GRID2: variants seen among roughly 807,000 people sequenced by gnomAD.
GRID2 encodes glutamate receptor ionotropic, delta-2.
A neutral mutation model predicts 114.8 loss-of-function variants in GRID2; 33 were observed. That is an observed-to-expected ratio of 0.29 (90% CI 0.22 to 0.38). The LOEUF (loss-of-function observed/expected upper bound fraction) is 0.38. Ranked by LOEUF, GRID2 falls within the 10% of genes least tolerant of loss-of-function variation. The probability of loss-of-function intolerance (pLI) is 1.00; values close to 1 mark genes in which losing one functional copy is unlikely to be tolerated. For missense variants in GRID2, 1,184 were observed against 1,257.7 expected (o/e 0.94, Z 0.89); for synonymous variants, 505 against 449.9 (o/e 1.12, Z -1.55).
At chr4:92,455,212 A>G (rs145839306) in intron 1 of GRID2, among the ~76,000 whole-genome samples, 1 of 152,338 alleles carries the variant, frequency 6.6e-6, no homozygotes, top group East Asian at 1.9e-4. Flanking sequence ...CATTTGGAGT[A>G]ATGTTTTAAT....
chr4:92,737,915 A>G (rs1736680761), intron 2 of GRID2, among the ~76,000 whole-genome samples: 1 of 152,184 alleles, frequency 6.6e-6, no homozygotes, highest in Admixed American at 6.6e-5. Context: ...CCTCCAAAAT[A>G]CCAGCTACAA....
At chr4:93,075,318 C>T (rs1454903017) in intron 2 of GRID2, among the ~76,000 whole-genome samples, 1 of 152,122 alleles carries the variant, frequency 6.6e-6, no homozygotes, top group Non-Finnish European at 1.5e-5. Flanking sequence ...TAAAAGGAGA[C>T]TTTCTCAAAC....
At chr4:92,624,277 G>A (rs1246887484) in intron 2 of GRID2, among the ~76,000 whole-genome samples, 1 of 151,836 alleles carries the variant, frequency 6.6e-6, no homozygotes, top group Admixed American at 6.6e-5. Flanking sequence ...AAGTATAAGA[G>A]AGGAACTCGG....
At chr4:93,532,758 T>C (rs541266855) in intron 13 of GRID2, among the ~76,000 whole-genome samples, 2 of 152,336 alleles carry the variant, frequency 1.3e-5, no homozygotes, top group African/African-American at 4.8e-5. Context: ...ACAAATTTCC[T>C]TTCTGCTTTA....
intron 2 of GRID2, among the ~76,000 whole-genome samples, chr4:92,648,441 C>G (rs1731753888): frequency 6.7e-6 from 1 of 149,384 alleles, no homozygotes; most frequent in Admixed American, 6.7e-5. Flanking sequence ...CACAATGGGA[C>G]ACATATCAGA....
chr4:93,049,517 C>G lies in GRID2; in HGVS notation c.245-35478C>G, dbSNP rs191169609. ...AATGTGAGTCTGAAATTATCCCCCC[C>G]CCAAAAAAATTAATGCATTAACACA... On this transcript the variant is annotated intron_variant, in intron 2 of 15. Transcript: ENST00000282020. Among the ~76,000 whole-genome samples, 10 of 151,690 alleles carry G rather than the reference C, an allele frequency of 6.6e-5. No individual in the cohort carries two copies. In the East Asian group the frequency reaches 7.8e-4, roughly 12 times the overall value.
chr4:93,209,297 T>C (rs1472781195), intron 5 of GRID2, among the ~76,000 whole-genome samples: 1 of 152,110 alleles, frequency 6.6e-6, no homozygotes, highest in Non-Finnish European at 1.5e-5. Context: ...CCCCTCTTTG[T>C]GTCCATATGT....
chr4:92,891,772 G>A lies in GRID2; in HGVS notation c.245-193223G>A, dbSNP rs114143899. Among the ~76,000 whole-genome samples the A allele has an allele frequency of 1.7e-3, 261 of 152,214 alleles. 1 individual carries two copies. Among genetic ancestry groups the A allele is most frequent in the African/African-American group, 6.2e-3 (256 of 41,544 alleles). On this transcript the variant is annotated intron_variant, in intron 2 of 15. Transcript: ENST00000282020. ...ATCATAAGAGTCATAAGTACTGGGG[G>A]TGCAGAGTACAGAGCCCACTTATTG... is the stretch of plus-strand genomic sequence containing the variant.
chr4:92,603,868 A>G (rs1729334445), intron 2 of GRID2, among the ~76,000 whole-genome samples: 1 of 152,096 alleles, frequency 6.6e-6, no homozygotes, highest in African/African-American at 2.4e-5. Context: ...AAAAGTAGTC[A>G]AATGACAAGA....
chr4:92,579,072 C>A (rs1359514782), intron 1 of GRID2, among the ~76,000 whole-genome samples: 1 of 151,998 alleles, frequency 6.6e-6, no homozygotes, highest in South Asian at 2.1e-4. Context: ...TAGAAGATCC[C>A]GAGAAATCTC....
intron 1 of GRID2, among the ~76,000 whole-genome samples, chr4:92,414,313 A>T (rs1047435920): frequency 3.9e-5 from 6 of 152,198 alleles, no homozygotes; most frequent in Non-Finnish European, 8.8e-5. Flanking sequence ...ATGAGGCTGG[A>T]TGCACAGAAT....
intron 9 of GRID2, among the ~76,000 whole-genome samples, chr4:93,402,282 A>T (rs1765970278): frequency 6.6e-6 from 1 of 152,082 alleles, no homozygotes; most frequent in South Asian, 2.1e-4. Flanking sequence ...TTGATCTTTG[A>T]ATTTATGGAA....
intron 13 of GRID2, among the ~76,000 whole-genome samples, chr4:93,554,240 A>G (rs1578248458): frequency 6.6e-6 from 1 of 152,128 alleles, no homozygotes; most frequent in Non-Finnish European, 1.5e-5. Flanking sequence ...ATCTGCCATA[A>G]ACTGAGCCTC....
intron 13 of GRID2, among the ~76,000 whole-genome samples, chr4:93,515,938 A>G (rs1294533548): frequency 2.0e-5 from 3 of 152,164 alleles, no homozygotes; most frequent in Non-Finnish European, 4.4e-5. Flanking sequence ...TTCTATAACT[A>G]TCTATATTAA....
chr4:93,784,089 A>AAAC (rs1734541927), intron 1 of GRID2, among the ~76,000 whole-genome samples: 6 of 149,626 alleles, frequency 4.0e-5, no homozygotes, highest in Non-Finnish European at 1.5e-5. Flanking sequence ...AAAAAAAAAA[A>AAAC]AAAAAAAAAA....
chr4:93,491,889 T>C (rs1476867984), intron 12 of GRID2, among the ~76,000 whole-genome samples: 1 of 151,906 alleles, frequency 6.6e-6, no homozygotes, highest in East Asian at 1.9e-4. Flanking sequence ...AACTCCCATA[T>C]TCAACTAGTA....
At chr4:92,412,142 G>T (rs1188735268) in intron 1 of GRID2, among the ~76,000 whole-genome samples, 2 of 151,992 alleles carry the variant, frequency 1.3e-5, no homozygotes, top group East Asian at 3.9e-4. Flanking sequence ...TGTGTGGTGT[G>T]TGTGTTCAAT....
At chr4:92,453,010 T>C (rs139162726) in intron 1 of GRID2, among the ~76,000 whole-genome samples, 187 of 151,910 alleles carry the variant, frequency 1.2e-3, no homozygotes, top group African/African-American at 4.3e-3. Context: ...ATGTAACTTA[T>C]GTATGATTTT....
intron 1 of GRID2, among the ~76,000 whole-genome samples, chr4:92,550,792 T>C (rs1209607644): frequency 1.3e-5 from 2 of 152,118 alleles, no homozygotes; most frequent in African/African-American, 2.4e-5. Flanking sequence ...AAAAATGTAA[T>C]ACTTGAACTA....
Sources: gnomAD v4.1 joint callset for allele counts (sites outside exome capture counted in the v4.1 genomes callset) on GRCh38, gnomAD v4.1.1 for gene constraint, MANE v1.5 for transcripts, NCBI Gene and HGNC (gene_info 2026-07-23, HGNC 2026-07-21) for gene names.